The following HEATR3 variants were observed in gnomAD, a reference collection of about 807,000 sequenced individuals.
HEATR3 encodes HEAT repeat-containing protein 3.
Under a neutral mutation model 72.8 loss-of-function variants are expected in HEATR3, and 56 were observed. That is an observed-to-expected ratio of 0.77 (90% CI 0.62 to 0.96). HEATR3 has a LOEUF of 0.96. Ranked by LOEUF, HEATR3 falls within the 40% of genes least tolerant of loss-of-function variation. The pLI is 0.00. For missense variants in HEATR3, 747 were observed against 831.4 expected (o/e 0.90, Z 1.25); for synonymous variants, 331 against 318.1 (o/e 1.04, Z -0.43).
chr16:50,091,567 C>T (rs1597165460), intron 11 of HEATR3, among the ~76,000 whole-genome samples: 1 of 152,054 alleles, frequency 6.6e-6, no homozygotes. Context: ...AGACATGCTA[C>T]AAATTCTTAA....
chr16:50,082,835 C>A (rs1450140803), intron 7 of HEATR3, among the ~76,000 whole-genome samples: 3 of 151,122 alleles, frequency 2.0e-5, no homozygotes, highest in Admixed American at 2.0e-4. Flanking sequence ...TGGAGTCTCA[C>A]TCTGTTGCAC....
intron 14 of HEATR3, among the ~76,000 whole-genome samples, chr16:50,103,189 A>C (rs1336415139): frequency 6.6e-6 from 1 of 152,226 alleles, no homozygotes; most frequent in Non-Finnish European, 1.5e-5. Flanking sequence ...GAGTCATCAA[A>C]CTCTGCAGAA....
chr16:50,099,495 T>C lies in HEATR3; in HGVS notation c.1600-735T>C, dbSNP rs144721190. Among the ~76,000 whole-genome samples, 186 of 152,182 alleles carry C rather than the reference T, an allele frequency of 1.2e-3. 1 individual carries two copies. The highest frequency in any genetic ancestry group is 6.8e-3 in the Middle Eastern group (2 of 294). ...AGGGGCTCACACGAGTGATAAGTAG[T>C]GAAGCTAGGATTTGAACCCAGGGTT... is the stretch of plus-strand genomic sequence containing the variant. On this transcript the variant is annotated intron_variant, in intron 12 of 14. Transcript: ENST00000299192.
chr16:50,076,536 T>C (rs1352701509), intron 6 of HEATR3, among the ~76,000 whole-genome samples: 1 of 151,934 alleles, frequency 6.6e-6, no homozygotes, highest in Admixed American at 6.6e-5. Context: ...TTTACCGTCT[T>C]AATCGTTTTG....
At chr16:50,075,440 A>G (rs1410207365) in intron 5 of HEATR3, 131 bp from the exon 6 acceptor site, 2 of 690,278 alleles carry the variant, frequency 2.9e-6, no homozygotes, top group Admixed American at 2.6e-5. Context: ...GATAAAGCAT[A>G]TATATTTTGC....
intron 10 of HEATR3, among the ~76,000 whole-genome samples, chr16:50,085,280 C>G (rs1371429243): frequency 2.0e-5 from 3 of 152,176 alleles, no homozygotes; most frequent in East Asian, 1.9e-4. Flanking sequence ...GTTTGTTAAA[C>G]TCTCTATGTA....
rs538442322 is a variant in HEATR3, at chr16:50,066,876, G to A, written c.311+337G>A. 3.0e-5 allele frequency: 8 copies of A among 269,950 alleles called. No homozygotes were observed. In the South Asian group the frequency reaches 5.0e-4, roughly 17 times the overall value. 16.7% of individuals were successfully genotyped at this position (269,950 alleles called of 1,614,324 possible). On this transcript the variant is annotated intron_variant, in intron 2 of 14. Transcript: ENST00000299192. Reference sequence around the variant, plus strand: ...GTGTCAGGAATCGTTCTAGATGCAGGGGACTTTGAGCAGCCAAGACTTTTG... The same window carrying A: ...GTGTCAGGAATCGTTCTAGATGCAGAGGACTTTGAGCAGCCAAGACTTTTG...
intron 10 of HEATR3, among the ~76,000 whole-genome samples, chr16:50,085,045 T>C (rs1184601974): frequency 2.6e-5 from 4 of 152,006 alleles, no homozygotes; most frequent in Non-Finnish European, 4.4e-5. Context: ...TTTTACAAAG[T>C]TGAGAAACAG....
intron 7 of HEATR3, among the ~76,000 whole-genome samples, chr16:50,079,328 T>G (rs1364436110): frequency 6.6e-6 from 1 of 152,238 alleles, no homozygotes; most frequent in Non-Finnish European, 1.5e-5. Flanking sequence ...TCCCCACTTC[T>G]GTTACATACT....
chr16:50,101,120 T>C (rs59849454), intron 13 of HEATR3, among the ~76,000 whole-genome samples: 3 of 135,728 alleles, frequency 2.2e-5, no homozygotes, highest in Non-Finnish European at 5.0e-5. Flanking sequence ...TTTTTTTTTC[T>C]TTTTTTTTCT....
chr16:50,099,396 A>G (rs1156929901), intron 12 of HEATR3, among the ~76,000 whole-genome samples: 3 of 152,150 alleles, frequency 2.0e-5, no homozygotes, highest in African/African-American at 7.2e-5. Flanking sequence ...CTTGAGCCCA[A>G]GAGTTCAAGA....
At position 50,105,953 on chromosome 16, in the gene HEATR3, G is replaced by A. The variant is rs1276639895; in HGVS notation, c.*892G>A. 1 of 152,100 alleles carries A rather than the reference G, an allele frequency of 6.6e-6. No homozygotes were observed. Among genetic ancestry groups the A allele is most frequent in the Non-Finnish European group, 1.5e-5 (1 of 68,020 alleles). 9.4% of individuals were successfully genotyped at this position (152,100 alleles called of 1,614,324 possible). On this transcript the variant is annotated 3_prime_UTR_variant, in exon 15 of 15. Transcript: ENST00000299192. Reference sequence around the variant, plus strand: ...TGTCTCTGGCATATTTTAATCACTGGAAACTCAAAGAGTGGAAGAGTGGAA... The same window carrying A: ...TGTCTCTGGCATATTTTAATCACTGAAAACTCAAAGAGTGGAAGAGTGGAA...
At chr16:50,098,428 G>A (rs1236406427) in intron 12 of HEATR3, 3 of 152,068 alleles carry the variant, frequency 2.0e-5, no homozygotes, top group Admixed American at 6.6e-5. Context: ...GGCCGAGGTG[G>A]GCGGATCACA....
chr16:50,068,893 T>C, intron 3 of HEATR3, 26 bp downstream of exon 3: 1 of 1,550,934 alleles, frequency 6.4e-7, no homozygotes, highest in Non-Finnish European at 8.9e-7. Flanking sequence ...AGTATCTTGA[T>C]GGTAGCTTTT....
At chr16:50,071,444 C>A (rs954182150) in intron 4 of HEATR3, among the ~76,000 whole-genome samples, 2 of 152,142 alleles carry the variant, frequency 1.3e-5, no homozygotes, top group Non-Finnish European at 2.9e-5. Flanking sequence ...TTCTGTGCAC[C>A]AGATAACTTT....
At chr16:50,099,844 T>A (rs183780059) in intron 12 of HEATR3, among the ~76,000 whole-genome samples, 119 of 152,370 alleles carry the variant, frequency 7.8e-4, no homozygotes, top group African/African-American at 2.6e-3. Flanking sequence ...AGTAAGTTCT[T>A]ACCTTGTATA....
Position 50,078,745 on chromosome 16 carries a change from A to G in HEATR3, c.768A>G (p.Thr256=). The G allele has an allele frequency of 6.2e-7, 1 of 1,604,514 alleles. No individual in the cohort carries two copies. Among genetic ancestry groups the G allele is most frequent in the Non-Finnish European group, 8.5e-7 (1 of 1,175,958 alleles). Reference sequence around the variant, plus strand: ...TTATGCTTGTTTTTTTCCCAGGCACAATTTGGAATCTAAAGGACATTATTC... The same window carrying G: ...TTATGCTTGTTTTTTTCCCAGGCACGATTTGGAATCTAAAGGACATTATTC... ...SLLLKTLVAG[T]IWNLKDIIPC... Residue 256 remains threonine (T), a synonymous_variant, in exon 7 of 15, where the codon ACA becomes ACG. Coordinates refer to ENST00000299192, the MANE Select transcript of HEATR3 (RefSeq NM_182922.4).
At chr16:50,089,396 G>A (rs1048704959) in intron 11 of HEATR3, among the ~76,000 whole-genome samples, 3 of 79,104 alleles carry the variant, frequency 3.8e-5, no homozygotes, top group Non-Finnish European at 6.1e-5. Context: ...GGGATTGGTA[G>A]TCTGAATTGG....
chr16:50,086,827 G>A (rs1330668443), intron 11 of HEATR3, among the ~76,000 whole-genome samples: 1 of 152,144 alleles, frequency 6.6e-6, no homozygotes, highest in Non-Finnish European at 1.5e-5. Flanking sequence ...TACTCGGGAG[G>A]CTGAGGCAGG....
Sources: gnomAD v4.1 joint callset for allele counts (sites outside exome capture counted in the v4.1 genomes callset) on GRCh38, gnomAD v4.1.1 for gene constraint, MANE v1.5 for transcripts, NCBI Gene and HGNC (gene_info 2026-07-23, HGNC 2026-07-21) for gene names.